The following HLA-DPA1 variants were observed in gnomAD, a reference collection of about 807,000 sequenced individuals.
HLA-DPA1 encodes the protein major histocompatibility complex, class II, DP alpha 1.
In HLA-DPA1, 20 loss-of-function variants were observed where a neutral mutation model predicts 21.5. The ratio of observed to expected loss-of-function variants is 0.93; its 90% confidence interval spans 0.66 to 1.35. The LOEUF is 1.35. HLA-DPA1 is among the 40% of genes most tolerant of loss of function. The pLI is 0.00. For synonymous variants in HLA-DPA1, 123 were observed against 129.6 expected, an observed-to-expected ratio of 0.95 and a Z score of 0.35; for missense variants, 279 against 323.0, an observed-to-expected ratio of 0.86 and a Z score of 1.05.
intron 1 of HLA-DPA1, among the ~76,000 whole-genome samples, chr6:33,076,433 G>T (rs1021189925): frequency 7.2e-5 from 11 of 152,194 alleles, no homozygotes; most frequent in Non-Finnish European, 1.3e-4. Flanking sequence ...GACAGACAAG[G>T]TTTGCAGAGA....
At chr6:33,069,335 C>A (rs1205591675) in intron 3 of HLA-DPA1, 35 bp from the exon 3 acceptor site, 11 of 1,586,974 alleles carry the variant, frequency 6.9e-6, no homozygotes, top group Non-Finnish European at 9.4e-6. Context: ...GGCCCCTCTT[C>A]TGGGATGAAT....
At chr6:33,073,637 G>A (rs1762402616) in exon 2 of HLA-DPA1, 1 of 1,128,990 alleles carries the variant, frequency 8.9e-7, no homozygotes, top group Non-Finnish European at 1.3e-6. Context: ...GCCGAGTGGA[G>A]GCAGATGAGA....
chr6:33,078,329 A>G (rs1025099174), intron 1 of HLA-DPA1, among the ~76,000 whole-genome samples: 1 of 152,150 alleles, frequency 6.6e-6, no homozygotes, highest in African/African-American at 2.4e-5. Flanking sequence ...AGCTGGAGCC[A>G]TAGGGGAGTG....
intron 1 of HLA-DPA1, among the ~76,000 whole-genome samples, chr6:33,077,607 G>A (rs1239246046): frequency 6.6e-6 from 1 of 152,074 alleles, no homozygotes; most frequent in Non-Finnish European, 1.5e-5. Flanking sequence ...TCTGTTGGTG[G>A]GACTGTAAAC....
rs775560319 is a variant in HLA-DPA1 at position 33,069,000 on chromosome 6, G to C, written c.628+19C>G. ...ATAGAGGATGCCAGGAGATTATGGA[G>C]AGAAAAGCAGTTGCATACCCCAGTG... On this transcript the variant is annotated intron_variant, in intron 4 of 5. Coordinates refer to ENST00000419277, the Ensembl canonical transcript of HLA-DPA1. 1 of 1,610,582 alleles carries C rather than the reference G, an allele frequency of 6.2e-7. No individual in the cohort carries two copies. The highest frequency in any genetic ancestry group is 8.5e-7 in the Non-Finnish European group (1 of 1,178,122).
intron 5 of HLA-DPA1, chr6:33,065,644 A>G (rs1761921807): frequency 6.6e-6 from 1 of 152,274 alleles, no homozygotes; most frequent in Non-Finnish European, 1.5e-5. Context: ...TACTGAGGGC[A>G]GAGAAGAAGC....
exon 5 of HLA-DPA1, chr6:33,068,751 G>A: frequency 6.2e-7 from 1 of 1,613,056 alleles, no homozygotes; most frequent in Middle Eastern, 1.7e-4. Context: ...ACCAGGCCCA[G>A]GGCACAGAGC....
At chr6:33,068,561 T>C in intron 5 of HLA-DPA1, 77 bp downstream of exon 4, 1 of 1,193,194 alleles carries the variant, frequency 8.4e-7, no homozygotes. Context: ...AGAAGATCAA[T>C]GAACACTTAT....
intron 1 of HLA-DPA1, among the ~76,000 whole-genome samples, chr6:33,075,705 T>G: frequency 6.6e-6 from 1 of 152,176 alleles, no homozygotes; most frequent in East Asian, 1.9e-4. Context: ...AGCAGAATAT[T>G]TGAGATCACC....
chr6:33,067,800 G>C (rs1045740377), intron 5 of HLA-DPA1: 6 of 152,184 alleles, frequency 3.9e-5, no homozygotes, highest in Non-Finnish European at 7.3e-5. Context: ...TGAGGTAGGG[G>C]TAAGAGGTTA....
exon 2 of HLA-DPA1, chr6:33,073,579 G>A: frequency 6.3e-7 from 1 of 1,598,180 alleles, no homozygotes; most frequent in Non-Finnish European, 8.6e-7. Flanking sequence ...ATGTTGTGGG[G>A]TCTATAATTG....
intron 1 of HLA-DPA1, among the ~76,000 whole-genome samples, chr6:33,076,747 AATGAG>A: frequency 1.3e-5 from 2 of 152,218 alleles, no homozygotes; most frequent in Middle Eastern, 6.8e-3. Flanking sequence ...TTGTAGGAAG[AATGAG>A]ATGAGGTTGT....
intron 2 of HLA-DPA1, among the ~76,000 whole-genome samples, chr6:33,071,297 T>C (rs1188656535): frequency 6.6e-6 from 1 of 152,136 alleles, no homozygotes; most frequent in Non-Finnish European, 1.5e-5. Context: ...ATCCTATAGG[T>C]ATTTCACTAG....
rs1762758563 is a variant in HLA-DPA1, at chr6:33,080,162, C to G, written c.-100+518G>C. Among the ~76,000 whole-genome samples, 1 of 152,126 alleles carries G rather than the reference C, an allele frequency of 6.6e-6. No homozygotes were observed. Among genetic ancestry groups the G allele is most frequent in the African/African-American group, 2.4e-5 (1 of 41,412 alleles). On this transcript the variant is annotated intron_variant, in intron 1 of 5. Coordinates refer to ENST00000419277, the Ensembl canonical transcript of HLA-DPA1. The surrounding 1 kb of genome is among the most constrained non-coding windows in gnomAD (Gnocchi z 4.3). ...AGCAAGTTGAGGAATTCTCAAGAAA[C>G]TGGTCGAGAAGAGAGAGCGCTTAGC...
exon 3 of HLA-DPA1, chr6:33,069,790 T>G (rs1458170677): frequency 6.2e-7 from 1 of 1,611,826 alleles, no homozygotes; most frequent in Non-Finnish European, 8.5e-7. Context: ...CTTGTCCAGA[T>G]CCACATAGAA....
intron 1 of HLA-DPA1, among the ~76,000 whole-genome samples, chr6:33,077,676 G>C (rs1227268303): frequency 6.6e-6 from 1 of 152,186 alleles, no homozygotes; most frequent in African/African-American, 2.4e-5. Flanking sequence ...AACACTCTGA[G>C]AGGAAGGACT....
intron 4 of HLA-DPA1, 101 bp from the exon 4 acceptor site, chr6:33,068,905 G>A (rs1762104117): frequency 1.5e-5 from 23 of 1,536,956 alleles, no homozygotes; most frequent in Non-Finnish European, 2.0e-5. Flanking sequence ...TTAATTGGAT[G>A]TTAGGACGAG....
At chr6:33,078,612 A>G (rs775971142) in intron 1 of HLA-DPA1, among the ~76,000 whole-genome samples, 59 of 142,410 alleles carry the variant, frequency 4.1e-4, no homozygotes, top group Admixed American at 2.1e-3. Flanking sequence ...AAACAGGATA[A>G]AGTTTCTTAT....
rs996389870 is a variant in HLA-DPA1 at position 33,068,619 on chromosome 6, C to T, written c.*12+19G>A. The T allele has an allele frequency of 5.8e-6, 9 of 1,545,782 alleles. No homozygotes were observed. The highest frequency in any genetic ancestry group is 7.0e-6 in the Non-Finnish European group (8 of 1,149,402). On this transcript the variant is annotated intron_variant, in intron 5 of 5. Coordinates refer to ENST00000419277, the Ensembl canonical transcript of HLA-DPA1. ...CCTTACATTCTACAAATCCTAGGGC[C>T]TCCTCTTTACATTCCCACCTTTACA...
Sources: allele counts gnomAD v4.1 joint callset (sites outside exome capture counted in the v4.1 genomes callset), GRCh38; gene constraint gnomAD v4.1.1; non-coding constraint Gnocchi (gnomAD v3.1); transcripts MANE v1.5; gene names NCBI Gene and HGNC (gene_info 2026-07-23, HGNC 2026-07-21).